The following PCBD1 variants were observed in gnomAD, a reference collection of about 807,000 sequenced individuals.
PCBD1 encodes pterin-4-alpha-carbinolamine dehydratase.
PCBD1 carries 16 observed loss-of-function variants against 12.6 expected under a neutral mutation model. The ratio of observed to expected loss-of-function variants is 1.27; its 90% CI spans 0.86 to 1.93. The LOEUF (loss-of-function observed/expected upper bound fraction) is 1.93. Among genes scored for constraint, PCBD1 ranks in the 30% most tolerant of loss-of-function variants. PCBD1 has a pLI of 0.00. For synonymous variants in PCBD1, 53 were observed against 50.2 expected, an observed-to-expected ratio of 1.05 and a Z score of -0.23; for missense variants, 86 against 130.1, an observed-to-expected ratio of 0.66 and a Z score of 1.65.
At chr10:70,884,175 G>T in intron 3 of PCBD1, 127 bp from the exon 4 acceptor site, 1 of 868,380 alleles carries the variant, frequency 1.2e-6, no homozygotes, top group South Asian at 1.4e-5. Context: ...CTCTCCTGGG[G>T]ACTCCTTCCT....
At chr10:70,883,349 C>T (rs77958793), downstream of PCBD1, among the ~76,000 whole-genome samples, 438 of 152,188 alleles carry the variant, frequency 2.9e-3, 4 homozygotes, top group African/African-American at 9.9e-3. Context: ...AATGGTATCC[C>T]CTAGATGATA....
intron 1 of PCBD1, chr10:70,888,170 T>C (rs1172481169): frequency 4.6e-6 from 1 of 217,694 alleles, no homozygotes; most frequent in Non-Finnish European, 9.0e-6. Context: ...CACCCCAGTA[T>C]AAAGCAGAAT....
intron 1 of PCBD1, 136 bp from the exon 2 acceptor site, chr10:70,886,065 A>G: frequency 8.3e-7 from 1 of 1,211,384 alleles, no homozygotes; most frequent in East Asian, 2.5e-5. Flanking sequence ...CAGGTCTTTG[A>G]GCAATAGGCT....
Position 70,884,001 on chromosome 10 carries a change from C to G in PCBD1, c.264G>C (p.Arg88=), listed in dbSNP as rs1411706949. Residue 88 remains arginine, a synonymous_variant, in exon 4 of 4, where the codon CGG becomes CGC. Transcript: ENST00000299299. ...STHECAGLSE[R]DINLASFIEQ... is the part of the protein sequence containing the mutation. Reference sequence around the variant, plus strand: ...CGATGAAGCTGGCCAGGTTTATGTCCCGTTCTGAAAGGCCGGCACACTCAT... The same window carrying G: ...CGATGAAGCTGGCCAGGTTTATGTCGCGTTCTGAAAGGCCGGCACACTCAT... 4 of 1,613,950 alleles carry G rather than the reference C, an allele frequency of 2.5e-6. No homozygotes were observed. The Admixed American group carries it at 6.7e-5, about 27-fold the overall frequency.
At chr10:70,884,595 C>T (rs1459811078) in intron 3 of PCBD1, among the ~76,000 whole-genome samples, 1 of 150,176 alleles carries the variant, frequency 6.7e-6, no homozygotes, top group Non-Finnish European at 1.5e-5. Context: ...CATTCTCCTG[C>T]CTCAGCCTCC....
In PCBD1 at chr10:70,883,802, C is replaced by T. The variant is rs760665334; in HGVS notation, c.*148G>A. ...CCTGGTGTTGGTGGGGACACTGGCA[C>T]ATCCCACAGCAAGGACTCAGCCCTC... On this transcript the variant is annotated 3_prime_UTR_variant, in exon 4 of 4. Transcript: ENST00000299299. 7.8e-5 allele frequency: 119 copies of T among 1,521,032 alleles called. No individual in the cohort carries two copies. Among genetic ancestry groups the T allele is most frequent in the Non-Finnish European group, 1.0e-4 (117 of 1,134,354 alleles). The allele number at this position is 1,521,032 out of a possible 1,614,324, so 94.2% of individuals were successfully genotyped here. A position where few individuals can be genotyped will look rare whatever the true frequency, so the allele number is the denominator to read the frequency against.
intron 1 of PCBD1, chr10:70,888,102 GA>G (rs1846616446): frequency 6.3e-6 from 1 of 158,454 alleles, no homozygotes; most frequent in Non-Finnish European, 1.4e-5. Flanking sequence ...GTGCCAGCGG[GA>G]AGGGGCAGCG....
At chr10:70,884,478 A>ATTTTTTT (rs71012255) in intron 3 of PCBD1, among the ~76,000 whole-genome samples, 3 of 108,434 alleles carry the variant, frequency 2.8e-5, no homozygotes, top group African/African-American at 3.7e-5. Context: ...ATGTGTCTGT[A>ATTTTTTT]TTTTTTTTTT....
chr10:70,888,106 G>C (rs1051025665), intron 1 of PCBD1: 26 of 159,840 alleles, frequency 1.6e-4, no homozygotes, highest in Non-Finnish European at 2.2e-4. Context: ...CAGCGGGAAG[G>C]GGCAGCGGAC....
At chr10:70,885,034 G>A (rs1846559574) in intron 3 of PCBD1, 118 bp downstream of exon 3, 4 of 816,784 alleles carry the variant, frequency 4.9e-6, no homozygotes, top group South Asian at 1.4e-5. Context: ...AATGAGATGA[G>A]TGGATGACCT....
chr10:70,886,725 C>T (rs1846590416), intron 1 of PCBD1, among the ~76,000 whole-genome samples: 1 of 152,214 alleles, frequency 6.6e-6, no homozygotes, highest in Admixed American at 6.5e-5. Context: ...TTGGGAAGCT[C>T]AGGCCAAAGT....
chr10:70,885,167 A>G lies in PCBD1; in HGVS notation c.201T>C (p.Phe67=). 2 of 1,613,706 alleles carry G rather than the reference A, an allele frequency of 1.2e-6. No individual in the cohort carries two copies. Among genetic ancestry groups the G allele is most frequent in the Middle Eastern group, 1.7e-4 (1 of 5,918 alleles). The change falls in exon 3 of 4, where the codon TTT becomes TTC. Residue 67 remains phenylalanine (F), a synonymous_variant. Coordinates refer to ENST00000299299, the MANE Select transcript of PCBD1 (RefSeq NM_000281.4). ...CATCACTCACCTTGTTGTACACGTT[A>G]AACCATTCAGGATGGTGGTCCAGTT... is the stretch of plus-strand genomic sequence containing the variant. ...AEKLDHHPEW[F]NVYNKVHITL...
chr10:70,888,514 C>A lies in PCBD1; in HGVS notation c.3+17G>T. 6.9e-7 allele frequency: 1 copy of A among 1,440,946 alleles called. No individual in the cohort carries two copies. The highest frequency in any genetic ancestry group is 9.1e-7 in the Non-Finnish European group (1 of 1,101,438). The allele number at this position is 1,440,946 out of a possible 1,614,324, so 89.3% of individuals were successfully genotyped here. On this transcript the variant is annotated intron_variant, in intron 1 of 3. Coordinates refer to ENST00000299299, the MANE Select transcript of PCBD1 (RefSeq NM_000281.4). ...GGCCCCGCTGCCCCGATCGCGGCCG[C>A]GCACCCCTGGACTCACCATGGCGCG...
In PCBD1 at chr10:70,883,868, G is replaced by C. The variant is rs1020100499; in HGVS notation, c.*82C>G. On this transcript the variant is annotated 3_prime_UTR_variant, in exon 4 of 4. Transcript: ENST00000299299. Reference sequence around the variant, plus strand: ...GTCTTGGGAGGGGAGTGGTGGGAGGGTAAGGGCTCCTCAGCTCCCTCCCTG... The same window carrying C: ...GTCTTGGGAGGGGAGTGGTGGGAGGCTAAGGGCTCCTCAGCTCCCTCCCTG... The C allele has an allele frequency of 1.9e-6, 3 of 1,554,508 alleles. No homozygotes were observed. The highest frequency in any genetic ancestry group is 3.9e-5 in the Admixed American group (2 of 51,560).
rs1411380239 is a variant in PCBD1 at position 70,883,791 on chromosome 10, G to A, written c.*159C>T. ...AGGTCTAAATTCCTGGTGTTGGTGG[G>A]GACACTGGCACATCCCACAGCAAGG... On this transcript the variant is annotated 3_prime_UTR_variant, in exon 4 of 4. Coordinates refer to ENST00000299299, the MANE Select transcript of PCBD1 (RefSeq NM_000281.4). 5 of 1,514,414 alleles carry A rather than the reference G, an allele frequency of 3.3e-6. No individual in the cohort carries two copies. The highest frequency in any genetic ancestry group is 2.4e-5 in the South Asian group (2 of 81,656). 93.8% of individuals were successfully genotyped at this position (1,514,414 alleles called of 1,614,324 possible).
rs1302053847 is a variant in PCBD1, at chr10:70,885,997, AC to A, written c.4-69del. ...TATAGGTCAAAACAGAGGGGCTCCAACCTTTAGGGGAACTTAGCTTCCACTG... is the reference window on the plus strand; with the variant it reads ...TATAGGTCAAAACAGAGGGGCTCCAACTTTAGGGGAACTTAGCTTCCACTG... On this transcript the variant is annotated intron_variant, in intron 1 of 3. Transcript: ENST00000299299. 7.9e-5 allele frequency: 125 copies of A among 1,585,324 alleles called. 1 individual carries two copies. In the Admixed American group the frequency reaches 2.1e-3, roughly 27 times the overall value.
At position 70,884,118 on chromosome 10, in the gene PCBD1, G is replaced by T. The variant is rs111441402; in HGVS notation, c.217-70C>A. ...AACAGGAGGGAGTCACTAGCTGCTG[G>T]GCTCAGCCCTGCTAGGAGCTCCAGA... On this transcript the variant is annotated intron_variant, in intron 3 of 3. Coordinates refer to ENST00000299299, the MANE Select transcript of PCBD1 (RefSeq NM_000281.4). 680 of 1,524,366 alleles carry T rather than the reference G, an allele frequency of 4.5e-4. 11 individuals carry two copies. Among genetic ancestry groups the T allele is most frequent in the Middle Eastern group, 1.7e-4 (1 of 5,912 alleles). 94.4% of individuals were successfully genotyped at this position (1,524,366 alleles called of 1,614,324 possible). A position where few individuals can be genotyped will look rare whatever the true frequency, so the allele number is the denominator to read the frequency against.
chr10:70,882,345 A>G (rs1028534291), downstream of PCBD1: 4 of 152,240 alleles, frequency 2.6e-5, no homozygotes, highest in Non-Finnish European at 5.9e-5. Context: ...AACAGAACCA[A>G]TACACACAAA....
downstream of PCBD1, chr10:70,882,343 C>G (rs997094001): frequency 1.3e-5 from 2 of 152,146 alleles, no homozygotes; most frequent in African/African-American, 4.8e-5. Context: ...GAAACAGAAC[C>G]AATACACACA....
Sources: allele counts gnomAD v4.1 joint callset (sites outside exome capture counted in the v4.1 genomes callset), GRCh38; gene constraint gnomAD v4.1.1; transcripts MANE v1.5; gene names NCBI Gene and HGNC (gene_info 2026-07-23, HGNC 2026-07-21).